Variants in BLOC1S5 observed in about 807,000 individuals in gnomAD.
The protein encoded by BLOC1S5 is biogenesis of lysosomal organelles complex 1 subunit 5.
A neutral mutation model predicts 24.3 loss-of-function variants in BLOC1S5; 27 were observed. That is an observed-to-expected ratio of 1.11 (90% confidence interval 0.82 to 1.53). The LOEUF is 1.53. Ranked by LOEUF, BLOC1S5 falls within the 40% of genes most tolerant of loss-of-function variation. The pLI is 0.00. For synonymous variants in BLOC1S5, 84 were observed against 74.5 expected (o/e 1.13, Z -0.66); for missense variants, 239 against 229.4 (o/e 1.04, Z -0.27).
intron 4 of BLOC1S5, among the ~76,000 whole-genome samples, chr6:8,022,900 A>T (rs1762974352): frequency 6.6e-6 from 1 of 152,200 alleles, no homozygotes; most frequent in Admixed American, 6.5e-5. Context: ...TCTATTTAAA[A>T]CAATGTACAA....
chr6:8,056,156 G>T (rs1211187475), intron 2 of BLOC1S5, among the ~76,000 whole-genome samples: 1 of 152,188 alleles, frequency 6.6e-6, no homozygotes, highest in Non-Finnish European at 1.5e-5. Flanking sequence ...CCAGAACTGT[G>T]AGCCAAATAC....
At chr6:8,063,939 A>G (rs1323389832) in intron 1 of BLOC1S5, among the ~76,000 whole-genome samples, 13 of 152,224 alleles carry the variant, frequency 8.5e-5, no homozygotes, top group Non-Finnish European at 1.5e-5. Context: ...TCCCAGGTCC[A>G]ATGCCCTTTC....
intron 4 of BLOC1S5, among the ~76,000 whole-genome samples, chr6:8,022,566 C>CTATTTTTTTTTT: frequency 8.8e-6 from 1 of 114,278 alleles, no homozygotes; most frequent in Non-Finnish European, 1.8e-5. Context: ...TTTTCAAACT[C>CTATTTTTTTTTT]TATTTTTTTT....
At chr6:8,033,249 A>G (rs969580733) in intron 3 of BLOC1S5, among the ~76,000 whole-genome samples, 1 of 152,236 alleles carries the variant, frequency 6.6e-6, no homozygotes, top group Admixed American at 6.5e-5. Context: ...TACAGTAACC[A>G]AAACAGCATG....
At chr6:8,031,025 A>G (rs1477132470) in intron 3 of BLOC1S5, among the ~76,000 whole-genome samples, 4 of 152,288 alleles carry the variant, frequency 2.6e-5, no homozygotes, top group Non-Finnish European at 5.9e-5. Context: ...CCAACATTAT[A>G]CTGAATGGGA....
intron 2 of BLOC1S5, among the ~76,000 whole-genome samples, chr6:8,056,485 CAT>C (rs1764312092): frequency 6.6e-6 from 1 of 152,108 alleles, no homozygotes; most frequent in Admixed American, 6.5e-5. Context: ...AAAAACAAAA[CAT>C]AAAACTATGC....
chr6:8,013,831 A>G lies in BLOC1S5; in HGVS notation c.*1818T>C, dbSNP rs966709075. On this transcript the variant is annotated 3_prime_UTR_variant, in exon 5 of 5. Coordinates refer to ENST00000397457, the MANE Select transcript of BLOC1S5 (RefSeq NM_201280.3). ...AAGTATTTCTTTTTCCATCCACTGA[A>G]TTAAGAAAATTCCAACATGCCTTGG... 12 of 152,198 alleles carry G rather than the reference A, an allele frequency of 7.9e-5. No individual in the cohort carries two copies. The highest frequency in any genetic ancestry group is 1.0e-4 in the Non-Finnish European group (7 of 68,030). The allele number at this position is 152,198 out of a possible 1,614,324, so 9.4% of individuals were successfully genotyped here. A position where few individuals can be genotyped will look rare whatever the true frequency, so the allele number is the denominator to read the frequency against.
At chr6:8,027,375 A>ATC in intron 3 of BLOC1S5, 1 of 456,742 alleles carries the variant, frequency 2.2e-6, no homozygotes, top group Non-Finnish European at 4.4e-6. Flanking sequence ...TGGTCCTCCT[A>ATC]TCTCTCAGCA....
At chr6:8,017,938 CTTTT>C (rs1762799030) in intron 4 of BLOC1S5, 1 of 152,214 alleles carries the variant, frequency 6.6e-6, no homozygotes, top group African/African-American at 2.4e-5. Context: ...TTCTGAGAGT[CTTTT>C]TGCTAGGCTG....
intron 2 of BLOC1S5, among the ~76,000 whole-genome samples, chr6:8,052,698 C>G (rs1764158344): frequency 6.6e-6 from 1 of 151,946 alleles, no homozygotes; most frequent in Non-Finnish European, 1.5e-5. Context: ...CGAGATCATC[C>G]TGGCTAACAT....
chr6:8,027,844 A>C (rs1763162438), intron 3 of BLOC1S5, among the ~76,000 whole-genome samples: 1 of 151,392 alleles, frequency 6.6e-6, no homozygotes, highest in African/African-American at 2.4e-5. Context: ...AAAAAATACA[A>C]TAAGCAATCA....
chr6:8,045,046 T>C (rs1025551071), intron 2 of BLOC1S5, among the ~76,000 whole-genome samples: 2 of 152,022 alleles, frequency 1.3e-5, no homozygotes, highest in African/African-American at 4.8e-5. Context: ...ATGTCAGAGG[T>C]CTTCATGGCT....
chr6:8,031,799 C>A (rs1317458716), intron 3 of BLOC1S5, among the ~76,000 whole-genome samples: 2 of 152,104 alleles, frequency 1.3e-5, no homozygotes, highest in East Asian at 3.9e-4. Context: ...GAATAGAGAA[C>A]CCAAAAAGAA....
At chr6:8,046,439 G>T (rs969861969) in intron 2 of BLOC1S5, among the ~76,000 whole-genome samples, 2 of 151,760 alleles carry the variant, frequency 1.3e-5, no homozygotes, top group Non-Finnish European at 2.9e-5. Context: ...AAAATAAGAA[G>T]TTACTAAAAA....
At chr6:8,021,285 GTT>G (rs1762908364) in intron 4 of BLOC1S5, among the ~76,000 whole-genome samples, 1 of 152,180 alleles carries the variant, frequency 6.6e-6, no homozygotes, top group South Asian at 2.1e-4. Context: ...TGGGTACAGA[GTT>G]TCAGTTTTGC....
intron 2 of BLOC1S5, among the ~76,000 whole-genome samples, chr6:8,061,871 T>G (rs763404226): frequency 6.6e-6 from 1 of 152,154 alleles, no homozygotes; most frequent in Non-Finnish European, 1.5e-5. Context: ...GTATGTAAGG[T>G]AGAGTAGCAG....
At chr6:8,027,766 T>A (rs1230580751) in intron 3 of BLOC1S5, among the ~76,000 whole-genome samples, 1 of 147,552 alleles carries the variant, frequency 6.8e-6, no homozygotes, top group African/African-American at 2.5e-5. Flanking sequence ...CCTGGTGCAG[T>A]GAGCCAAGAT....
At chr6:8,016,053 C>T (rs901899794) in intron 4 of BLOC1S5, among the ~76,000 whole-genome samples, 1 of 152,200 alleles carries the variant, frequency 6.6e-6, no homozygotes, top group African/African-American at 2.4e-5. Flanking sequence ...GGGCTGGGCA[C>T]AGTGGCTAAT....
chr6:8,019,878 A>G (rs1407420243), intron 4 of BLOC1S5, among the ~76,000 whole-genome samples: 1 of 152,216 alleles, frequency 6.6e-6, no homozygotes, highest in Non-Finnish European at 1.5e-5. Flanking sequence ...CCTATGAAAA[A>G]GTCACAAGTT....
Sources: allele counts gnomAD v4.1 joint callset (sites outside exome capture counted in the v4.1 genomes callset), GRCh38; gene constraint gnomAD v4.1.1; transcripts MANE v1.5; gene names NCBI Gene and HGNC (gene_info 2026-07-23, HGNC 2026-07-21).